SORCS2: variants seen among roughly 807,000 people sequenced by gnomAD.
SORCS2 encodes the protein VPS10 domain-containing receptor SorCS2.
SORCS2 carries 100 observed loss-of-function variants against 141.6 expected under a neutral mutation model. The observed-to-expected ratio is 0.71, with a 90% confidence interval of 0.60 to 0.83. The LOEUF is 0.83. SORCS2 is among the 40% of genes least tolerant of loss of function. The probability of loss-of-function intolerance (pLI) is 0.00; values close to 1 mark genes in which losing one functional copy is unlikely to be tolerated. For missense variants in SORCS2, 1,646 were observed against 1,560.2 expected, an observed-to-expected ratio of 1.05 and a Z score of -0.93; for synonymous variants, 789 against 676.9, an observed-to-expected ratio of 1.17 and a Z score of -2.57.
At chr4:7,372,587 C>T (rs541636458) in intron 1 of SORCS2, among the ~76,000 whole-genome samples, 4 of 152,288 alleles carry the variant, frequency 2.6e-5, no homozygotes, top group South Asian at 2.1e-4. Context: ...GAATTACAGG[C>T]GTGAGCCACT....
chr4:7,192,955 T>C lies in SORCS2; in HGVS notation c.309T>C (p.Gly103=). Residue 103 remains glycine, a synonymous_variant, in exon 1 of 27, where the codon GGT becomes GGC. Transcript: ENST00000507866. This position sits in a 1 kb window ranked among gnomAD's most constrained non-coding sequence, Gnocchi z 4.0. ...APGPSPGPAP[G]PGEDGAPAAG... ...GTCCGAGTCCCGGTCCCGCTCCTGG[T>C]CCCGGCGAGGACGGCGCCCCCGCCG... The C allele has an allele frequency of 7.4e-7, 1 of 1,345,064 alleles. No individual in the cohort carries two copies. The highest frequency in any genetic ancestry group is 9.5e-7 in the Non-Finnish European group (1 of 1,057,254). 83.3% of individuals were successfully genotyped at this position (1,345,064 alleles called of 1,614,324 possible).
intron 25 of SORCS2, among the ~76,000 whole-genome samples, chr4:7,735,062 A>T (rs1712055933): frequency 1.3e-5 from 2 of 152,232 alleles, no homozygotes; most frequent in South Asian, 4.1e-4. Flanking sequence ...CAGGGGCTGG[A>T]CAACTTGAAG....
chr4:7,295,626 G>A (rs1716997194), intron 1 of SORCS2, among the ~76,000 whole-genome samples: 1 of 152,204 alleles, frequency 6.6e-6, no homozygotes, highest in Non-Finnish European at 1.5e-5. Context: ...CCCTGTGCCT[G>A]GGAACCCTGG....
At chr4:7,692,645 C>A (rs1281305951) in intron 11 of SORCS2, among the ~76,000 whole-genome samples, 1 of 152,174 alleles carries the variant, frequency 6.6e-6, no homozygotes, top group African/African-American at 2.4e-5. Context: ...GGGATGATGA[C>A]CGCAGGGCCA....
chr4:7,623,979 C>G (rs1421994562), intron 3 of SORCS2, among the ~76,000 whole-genome samples: 1 of 152,156 alleles, frequency 6.6e-6, no homozygotes, highest in East Asian at 1.9e-4. Context: ...GGTGACTGCC[C>G]TCTCTGGGAC....
Position 7,701,851 on chromosome 4 carries a change from G to C in SORCS2, c.1669-1429G>C, listed in dbSNP as rs749850130. 4.1e-4 allele frequency among the ~76,000 whole-genome samples: 63 copies of C among 152,178 alleles called. 1 individual carries two copies. The highest frequency in any genetic ancestry group is 7.9e-4 in the Non-Finnish European group (54 of 68,016). On this transcript the variant is annotated intron_variant, in intron 12 of 26. Transcript: ENST00000507866. Reference sequence around the variant, plus strand: ...TTCTCTTTCCAGCGTCCCCATGATTGTTCCCCAGCTGCCCTTGAATGTCCC... The same window carrying C: ...TTCTCTTTCCAGCGTCCCCATGATTCTTCCCCAGCTGCCCTTGAATGTCCC...
chr4:7,544,709 T>C (rs1054653638), intron 3 of SORCS2, among the ~76,000 whole-genome samples: 1 of 152,208 alleles, frequency 6.6e-6, no homozygotes, highest in African/African-American at 2.4e-5. Flanking sequence ...ATGGGTGAGC[T>C]AGTTCAGGGC....
intron 2 of SORCS2, among the ~76,000 whole-genome samples, chr4:7,506,568 C>T (rs1732290315): frequency 6.6e-6 from 1 of 152,188 alleles, no homozygotes; most frequent in Non-Finnish European, 1.5e-5. Context: ...CAGTGGAACC[C>T]GTAAGTCACA....
intron 1 of SORCS2, among the ~76,000 whole-genome samples, chr4:7,293,029 C>G (rs937252820): frequency 5.3e-5 from 8 of 152,220 alleles, no homozygotes; most frequent in African/African-American, 1.9e-4. Context: ...TGAGGCTGGG[C>G]GTGGTGGCTC....
At chr4:7,704,615 T>C (rs1725299270) in intron 14 of SORCS2, among the ~76,000 whole-genome samples, 1 of 152,176 alleles carries the variant, frequency 6.6e-6, no homozygotes, top group African/African-American at 2.4e-5. Flanking sequence ...TCGTCACCCA[T>C]CCCGGGGTCT....
intron 2 of SORCS2, among the ~76,000 whole-genome samples, chr4:7,494,146 A>T (rs961397868): frequency 3.3e-5 from 5 of 152,226 alleles, no homozygotes; most frequent in Admixed American, 2.0e-4. Flanking sequence ...TTCCGAATAT[A>T]GTTCGTATCT....
chr4:7,666,039 C>T (rs1338506670), intron 7 of SORCS2, among the ~76,000 whole-genome samples: 1 of 152,002 alleles, frequency 6.6e-6, no homozygotes, highest in Non-Finnish European at 1.5e-5. Context: ...GGGTGTGACT[C>T]TGGATTGAGG....
At chr4:7,274,946 C>T (rs966407691) in intron 1 of SORCS2, among the ~76,000 whole-genome samples, 4 of 152,186 alleles carry the variant, frequency 2.6e-5, no homozygotes, top group African/African-American at 7.2e-5. Context: ...ATGCCCACAA[C>T]ACGCGCTCTG....
chr4:7,547,516 A>C (rs1029579095), intron 3 of SORCS2, among the ~76,000 whole-genome samples: 10 of 152,256 alleles, frequency 6.6e-5, no homozygotes, highest in African/African-American at 1.9e-4. Context: ...CTAACCAGCC[A>C]TCAGAGGTGG....
intron 3 of SORCS2, among the ~76,000 whole-genome samples, chr4:7,539,846 G>A (rs1479185383): frequency 5.0e-5 from 6 of 120,872 alleles, no homozygotes; most frequent in African/African-American, 1.3e-4. Context: ...TGGCTGCTCC[G>A]CCCCATTCCT....
chr4:7,577,028 C>A (rs568657959), intron 3 of SORCS2, among the ~76,000 whole-genome samples: 2 of 152,154 alleles, frequency 1.3e-5, no homozygotes, highest in Admixed American at 6.5e-5. Flanking sequence ...TCTGGCCACC[C>A]CTCTGCCATG....
chr4:7,640,246 ATG>A (rs761516912), intron 4 of SORCS2, among the ~76,000 whole-genome samples: 144 of 124,414 alleles, frequency 1.2e-3, no homozygotes, highest in Non-Finnish European at 2.0e-3. Context: ...GTGAGAACCT[ATG>A]TGAGTGTGTA....
intron 2 of SORCS2, among the ~76,000 whole-genome samples, chr4:7,421,970 C>T (rs1034954204): frequency 6.6e-6 from 1 of 152,090 alleles, no homozygotes; most frequent in Non-Finnish European, 1.5e-5. Flanking sequence ...TGCTCACTTC[C>T]CTTGTCGACC....
intron 1 of SORCS2, among the ~76,000 whole-genome samples, chr4:7,214,915 C>T (rs1728236012): frequency 6.6e-6 from 1 of 151,950 alleles, no homozygotes; most frequent in Non-Finnish European, 1.5e-5. Flanking sequence ...GTGGTGCCAA[C>T]TTTGCTTTAT....
Sources: allele counts gnomAD v4.1 joint callset (sites outside exome capture counted in the v4.1 genomes callset), GRCh38; gene constraint gnomAD v4.1.1; non-coding constraint Gnocchi (gnomAD v3.1); transcripts MANE v1.5; gene names NCBI Gene and HGNC (gene_info 2026-07-23, HGNC 2026-07-21).